Variants in LHFPL6 observed in about 807,000 individuals in gnomAD.
LHFPL6 encodes the protein LHFPL tetraspan subfamily member 6, also known as LHFPL tetraspan subfamily member 6 protein.
LHFPL6 carries 9 observed loss-of-function variants against 20.6 expected under a neutral mutation model. That is an observed-to-expected ratio of 0.44 (90% confidence interval 0.26 to 0.76). LHFPL6 has a LOEUF of 0.76. LHFPL6 is among the 30% of genes least tolerant of loss of function. The pLI is 0.20. For missense variants in LHFPL6, 218 were observed against 253.5 expected (o/e 0.86, Z 0.95); for synonymous variants, 105 against 98.7 (o/e 1.06, Z -0.38).
chr13:39,384,570 C>A (rs372245681), intron 2 of LHFPL6, among the ~76,000 whole-genome samples: 2 of 152,134 alleles, frequency 1.3e-5, no homozygotes, highest in Non-Finnish European at 1.5e-5. Context: ...GTTTAGAAAT[C>A]CCTGAATTAG....
At chr13:39,457,685 C>A (rs1872603322) in intron 2 of LHFPL6, among the ~76,000 whole-genome samples, 1 of 152,174 alleles carries the variant, frequency 6.6e-6, no homozygotes, top group South Asian at 2.1e-4. Context: ...GAGAAGGTGA[C>A]TTGGTGACTT....
chr13:39,431,416 C>T lies in LHFPL6; in HGVS notation c.386-52890G>A, dbSNP rs149778494. Among the ~76,000 whole-genome samples, 653 of 152,254 alleles carry T rather than the reference C, an allele frequency of 4.3e-3. 11 individuals carry two copies. The highest frequency in any genetic ancestry group is 0.015 in the African/African-American group (611 of 41,546). On this transcript the variant is annotated intron_variant, in intron 2 of 3. Transcript: ENST00000379589. The stretch of plus-strand genomic sequence containing the variant: ...GGCTTCATTCTTGAAGTCAGCGAGA[C>T]CAAGAACCCACTGGAAGGAACCAAT...
intron 3 of LHFPL6, among the ~76,000 whole-genome samples, chr13:39,363,216 G>A (rs1375513604): frequency 6.6e-6 from 1 of 152,164 alleles, no homozygotes; most frequent in Admixed American, 6.5e-5. Context: ...GGGAGGCAGG[G>A]ATTAGAGGAA....
At chr13:39,472,857 C>T (rs748632374) in intron 2 of LHFPL6, among the ~76,000 whole-genome samples, 89 of 152,302 alleles carry the variant, frequency 5.8e-4, no homozygotes, top group Non-Finnish European at 7.8e-4. Context: ...GTGGTCCACC[C>T]GCCTTGGCCT....
intron 2 of LHFPL6, 35 bp from the exon 3 acceptor site, chr13:39,378,561 G>T: frequency 1.3e-6 from 2 of 1,483,512 alleles, no homozygotes; most frequent in Non-Finnish European, 1.9e-6. Flanking sequence ...CTTTACCAGT[G>T]CTTCTCTGCA....
rs191439612 is a variant in LHFPL6, at chr13:39,591,044, C to T, written c.385+9788G>A. ...CCAGGTCAAAAATAAATAATTCTAG[C>T]GAAAAAGTGTTGCATAGCTGCTAAT... On this transcript the variant is annotated intron_variant, in intron 2 of 3. Transcript: ENST00000379589. Among the ~76,000 whole-genome samples, 54 of 152,158 alleles carry T rather than the reference C, an allele frequency of 3.5e-4. 3 individuals carry two copies. The East Asian group carries it at 9.8e-3, about 28-fold the overall frequency.
chr13:39,428,232 A>G (rs1024746400), intron 2 of LHFPL6, among the ~76,000 whole-genome samples: 1 of 152,210 alleles, frequency 6.6e-6, no homozygotes, highest in African/African-American at 2.4e-5. Context: ...GCCTTATAAA[A>G]TGAATTGAGA....
intron 2 of LHFPL6, among the ~76,000 whole-genome samples, chr13:39,383,288 C>T (rs12428389): frequency 0.11 from 16,847 of 152,248 alleles, 1,053 homozygotes; most frequent in South Asian, 0.2. Flanking sequence ...TAGGTCAGAT[C>T]AGGCCACAAT....
chr13:39,585,999 C>A (rs373927965), intron 2 of LHFPL6, among the ~76,000 whole-genome samples: 156 of 152,098 alleles, frequency 1.0e-3, no homozygotes, highest in African/African-American at 3.6e-3. Flanking sequence ...ATATGGGGCA[C>A]CCTCACCCCA....
intron 2 of LHFPL6, among the ~76,000 whole-genome samples, chr13:39,500,606 T>C (rs4943671): frequency 0.66 from 100,500 of 151,958 alleles, 33,461 homozygotes; most frequent in East Asian, 0.85. Context: ...ATTTCCTGTA[T>C]TCCTTATTAT....
chr13:39,459,194 A>ATGTGTGTGTGTGTGTGTGTG (rs58955444), intron 2 of LHFPL6, among the ~76,000 whole-genome samples: 28 of 136,066 alleles, frequency 2.1e-4, no homozygotes, highest in African/African-American at 7.2e-4. Flanking sequence ...AAGTTCCTTA[A>ATGTGTGTGTGTGTGTGTGTG]TGTGTGTGTG....
At chr13:39,474,832 G>A (rs1170917157) in intron 2 of LHFPL6, among the ~76,000 whole-genome samples, 1 of 152,088 alleles carries the variant, frequency 6.6e-6, no homozygotes, top group African/African-American at 2.4e-5. Flanking sequence ...GAGGCTGGAA[G>A]AACAGGAAGG....
intron 2 of LHFPL6, among the ~76,000 whole-genome samples, chr13:39,412,922 C>CA (rs11398965): frequency 0.81 from 114,713 of 141,566 alleles, 46,364 homozygotes; most frequent in Admixed American, 0.86. Context: ...ACTCCCGTCT[C>CA]AAAAAAAAAA....
chr13:39,352,911 G>GTATATATATGTGTA (rs1566091634), intron 3 of LHFPL6, among the ~76,000 whole-genome samples: 16 of 51,742 alleles, frequency 3.1e-4, no homozygotes, highest in Middle Eastern at 9.1e-3. Flanking sequence ...ATATATAAAT[G>GTATATATATGTGTA]TATATATATA....
intron 3 of LHFPL6, among the ~76,000 whole-genome samples, chr13:39,358,344 T>C (rs1287593323): frequency 6.6e-6 from 1 of 152,208 alleles, no homozygotes; most frequent in Non-Finnish European, 1.5e-5. Context: ...GCTATCCATA[T>C]GCAGAGGAAT....
In LHFPL6 at chr13:39,350,733, G is replaced by A. The variant is rs147354360; in HGVS notation, c.485-6679C>T. Among the ~76,000 whole-genome samples, 871 of 152,258 alleles carry A rather than the reference G, an allele frequency of 5.7e-3. 13 individuals carry two copies. The highest frequency in any genetic ancestry group is 0.019 in the African/African-American group (803 of 41,536). On this transcript the variant is annotated intron_variant, in intron 3 of 3. Coordinates refer to ENST00000379589, the MANE Select transcript of LHFPL6 (RefSeq NM_005780.3). ...GGCAAATTACTGCTTTCAACAATGG[G>A]GAATACTATTCTTGACAGATAAAAT... is the stretch of plus-strand genomic sequence containing the variant.
intron 2 of LHFPL6, among the ~76,000 whole-genome samples, chr13:39,597,534 A>G (rs894355669): frequency 6.6e-6 from 1 of 152,204 alleles, no homozygotes; most frequent in Non-Finnish European, 1.5e-5. Flanking sequence ...CACTATATAC[A>G]TGTTAACATT....
rs1358374368 is a variant in LHFPL6 at position 39,587,492 on chromosome 13, G to C, written c.385+13340C>G. ...CTCTAGTGGACCCTGGACATTCCTA[G>C]ATTAAACATCTGTGATTTTGGTCTA... is the stretch of plus-strand genomic sequence containing the variant. On this transcript the variant is annotated intron_variant, in intron 2 of 3. Transcript: ENST00000379589. Among the ~76,000 whole-genome samples the C allele has an allele frequency of 2.6e-5, 4 of 152,028 alleles. No homozygotes were observed. In the East Asian group the frequency reaches 7.7e-4, roughly 29 times the overall value.
chr13:39,495,335 C>T (rs1389433611), intron 2 of LHFPL6, among the ~76,000 whole-genome samples: 1 of 152,110 alleles, frequency 6.6e-6, no homozygotes, highest in Non-Finnish European at 1.5e-5. Flanking sequence ...TCACGCTGAC[C>T]GGTTGATTTC....
Sources: allele counts gnomAD v4.1 joint callset (sites outside exome capture counted in the v4.1 genomes callset), GRCh38; gene constraint gnomAD v4.1.1; transcripts MANE v1.5; gene names NCBI Gene and HGNC (gene_info 2026-07-23, HGNC 2026-07-21).